Variants in ZNF783 observed in about 807,000 individuals in gnomAD.
The protein encoded by ZNF783 is protein ZNF783.
Under a neutral mutation model 31.3 loss-of-function variants are expected in ZNF783, and 25 were observed. The observed-to-expected ratio is 0.80, with a 90% confidence interval of 0.58 to 1.11. ZNF783 has a LOEUF of 1.11. Among genes scored for constraint, ZNF783 ranks in the 50% most tolerant of loss-of-function variants. The pLI, the probability that ZNF783 is intolerant of heterozygous loss-of-function variation, is 0.00. For synonymous variants in ZNF783, 369 were observed against 319.1 expected (o/e 1.16, Z -1.66); for missense variants, 797 against 760.0 (o/e 1.05, Z -0.57).
At chr7:149,278,646 C>T in intron 5 of ZNF783, 119 bp downstream of exon 5, 4 of 1,480,482 alleles carry the variant, frequency 2.7e-6, no homozygotes, top group South Asian at 1.3e-5. Flanking sequence ...GGCTGGGAGA[C>T]TGGTTGGGCT....
chr7:149,267,162 CG>C lies in ZNF783; in HGVS notation c.615del (p.Trp206GlyfsTer9). ...IERGEEPCLD[R>X]WGQEKGNEVE... The stretch of plus-strand genomic sequence containing the variant: ...GAGGGGAGAGGAGCCTTGTCTTGAC[CG>C]GTGGGGCCAGGAGAAGGGGAATGAA... On this transcript the variant is annotated frameshift_variant, in exon 4 of 6. Coordinates refer to ENST00000434415, the MANE Select transcript of ZNF783 (RefSeq NM_001195220.2). LOFTEE classifies it high-confidence loss of function. 1 of 1,599,314 alleles carries C rather than the reference CG, an allele frequency of 6.3e-7. No individual in the cohort carries two copies. The highest frequency in any genetic ancestry group is 8.5e-7 in the Non-Finnish European group (1 of 1,179,740).
Position 149,266,374 on chromosome 7 carries a change from T to G in ZNF783, c.64T>G (p.Ser22Ala), listed in dbSNP as rs964136308. 3 of 1,597,616 alleles carry G rather than the reference T, an allele frequency of 1.9e-6. No individual in the cohort carries two copies. The Admixed American group carries it at 5.0e-5, about 27-fold the overall frequency. ...CAAGCACACAGAGGACCAGAGTCCT[T>G]CGACACCCTTGCCCCAGCCAGCTGC... ...TDKHTEDQSP[S>A]TPLPQPAAEK... The change falls in exon 2 of 6, where the codon TCG becomes GCG. Residue 22 changes from serine (S) to alanine (A), a missense_variant. Ser to Ala is a moderately conservative substitution (Grantham distance 99). Transcript: ENST00000434415.
At chr7:149,278,891 C>G (rs921398755) in intron 5 of ZNF783, among the ~76,000 whole-genome samples, 1 of 152,118 alleles carries the variant, frequency 6.6e-6, no homozygotes. Flanking sequence ...CTGTGCCTAG[C>G]GCGGCGCCAG....
At chr7:149,276,433 G>A in intron 4 of ZNF783, 1 of 986,298 alleles carries the variant, frequency 1.0e-6, no homozygotes, top group Non-Finnish European at 1.2e-6. Context: ...CTTTAGGCTT[G>A]TCATGAAAGC....
In ZNF783 at chr7:149,281,738, C is replaced by T; in HGVS notation, c.1036C>T (p.Gln346Ter). ...GCCCCGAGTCCTCTCCCGCAGGCGG[C>T]AGCGGGCATTCCCCTGCCCCGACTG... The part of the protein sequence containing the change: ...ETPRVLSRRR[Q>*]RAFPCPDCGQ... The change falls in exon 6 of 6, where the codon CAG (glutamine) becomes TAG (stop). Residue 346 changes from glutamine (Q) to a stop codon, truncating the protein, a stop_gained. Coordinates refer to ENST00000434415, the MANE Select transcript of ZNF783 (RefSeq NM_001195220.2). LOFTEE classifies it low-confidence loss of function (END_TRUNC). 1 of 1,479,592 alleles carries T rather than the reference C, an allele frequency of 6.8e-7. No homozygotes were observed. 91.7% of individuals were successfully genotyped at this position (1,479,592 alleles called of 1,614,324 possible).
intron 4 of ZNF783, chr7:149,276,378 G>T: frequency 1.0e-6 from 1 of 988,592 alleles, no homozygotes; most frequent in South Asian, 4.7e-5. Flanking sequence ...AAACTTCAGA[G>T]GATGATCCAC....
rs1011469653 is a variant in ZNF783, at chr7:149,266,812, G to T, written c.421-7G>T. 2 of 1,613,910 alleles carry T rather than the reference G, an allele frequency of 1.2e-6. No individual in the cohort carries two copies. The highest frequency in any genetic ancestry group is 2.7e-5 in the African/African-American group (2 of 74,880). On this transcript the variant is annotated splice_region_variant and splice_polypyrimidine_tract_variant and intron_variant, in intron 2 of 5. Coordinates refer to ENST00000434415, the MANE Select transcript of ZNF783 (RefSeq NM_001195220.2). ...TGGGTGAGTGAGTGCGACACTTATG[G>T]TTCCAGGTGCCCGTGACCTTCGATG...
At chr7:149,280,218 T>A (rs893790010) in intron 5 of ZNF783, among the ~76,000 whole-genome samples, 2 of 151,024 alleles carry the variant, frequency 1.3e-5, no homozygotes, top group Non-Finnish European at 3.0e-5. Context: ...CCAGTAGGGG[T>A]GGCCGGGCAG....
At chr7:149,280,282 GGA>G (rs1156523565) in intron 5 of ZNF783, among the ~76,000 whole-genome samples, 1 of 152,240 alleles carries the variant, frequency 6.6e-6, no homozygotes, top group East Asian at 1.9e-4. Context: ...TAAGCCAGAA[GGA>G]GAGTCTTTAG....
At chr7:149,264,954 G>GCTGGAAGTGGGGGAGAAGC (rs1335943819) in intron 1 of ZNF783, among the ~76,000 whole-genome samples, 3 of 132,756 alleles carry the variant, frequency 2.3e-5, no homozygotes, top group African/African-American at 1.0e-4. Context: ...AGGGGAGAAG[G>GCTGGAAGTGGGGGAGAAGC]CTGGAAGTGG....
At position 149,281,850 on chromosome 7, in the gene ZNF783, C is replaced by T. The variant is rs1428174826; in HGVS notation, c.1148C>T (p.Ser383Leu). 5 of 1,494,764 alleles carry T rather than the reference C, an allele frequency of 3.3e-6. No individual in the cohort carries two copies. Among genetic ancestry groups the T allele is most frequent in the African/African-American group, 1.4e-5 (1 of 70,648 alleles). The allele number at this position is 1,494,764 out of a possible 1,614,324, so 92.6% of individuals were successfully genotyped here. The stretch of plus-strand genomic sequence containing the variant: ...GGGCGGCAGGAGGCCCCCGGCCGCT[C>T]GCCCACCAGCTGCGGGGACAGCCAG... ...EEGRQEAPGR[S>L]PTSCGDSQAM... is the part of the protein sequence containing the mutation. Residue 383 changes from serine (S) to leucine (L), a missense_variant, in exon 6 of 6, where the codon TCG (serine) becomes TTG (leucine). Physicochemically the swap from Ser to Leu is moderately radical, Grantham distance 145 (BLOSUM62 -2). Transcript: ENST00000434415.
chr7:149,262,338 C>G lies in ZNF783; in HGVS notation c.5C>G (p.Ala2Gly). The G allele has an allele frequency of 1.5e-6, 2 of 1,341,686 alleles. No individual in the cohort carries two copies. Among genetic ancestry groups the G allele is most frequent in the Non-Finnish European group, 1.9e-6 (2 of 1,041,728 alleles). 83.1% of individuals were successfully genotyped at this position (1,341,686 alleles called of 1,614,324 possible). M[A>G]EAAPARDPET... ...CAGCGAGGGACGCGGGCAGCCATGGCCGAAGCGGCGCCTGCCCGGGTAAGC... is the reference window on the plus strand; with the variant it reads ...CAGCGAGGGACGCGGGCAGCCATGGGCGAAGCGGCGCCTGCCCGGGTAAGC... Residue 2 changes from alanine to glycine, a missense_variant, in exon 1 of 6, where the codon GCC (alanine) becomes GGC (glycine). Coordinates refer to ENST00000434415, the MANE Select transcript of ZNF783 (RefSeq NM_001195220.2).
chr7:149,282,127 C>G lies in ZNF783; in HGVS notation c.1425C>G (p.Phe475Leu), dbSNP rs748475207. 2 of 1,599,232 alleles carry G rather than the reference C, an allele frequency of 1.3e-6. No homozygotes were observed. Among genetic ancestry groups the G allele is most frequent in the Non-Finnish European group, 1.7e-6 (2 of 1,179,278 alleles). The change falls in exon 6 of 6, where the codon TTC (phenylalanine) becomes TTG (leucine). Residue 475 changes from phenylalanine to leucine, a missense_variant. Phe to Leu is a conservative substitution (Grantham distance 22). Transcript: ENST00000434415. ...CCTGCCCCTACTGCGGCAAGGCCTT[C>G]CGCCGGCCCTCGGACCTCTTCCGGC... ...WPACPYCGKA[F>L]RRPSDLFRHQ...
chr7:149,276,289 TCAC>T, intron 4 of ZNF783: 1 of 955,354 alleles, frequency 1.0e-6, no homozygotes, highest in Non-Finnish European at 1.2e-6. Flanking sequence ...TCCTGCTCAG[TCAC>T]CACCTTGTGA....
At chr7:149,267,670 G>A (rs1055177679) in intron 4 of ZNF783, among the ~76,000 whole-genome samples, 47 of 152,180 alleles carry the variant, frequency 3.1e-4, no homozygotes, top group African/African-American at 1.0e-3. Context: ...GGTGGCAGGC[G>A]CCTGTAGTCC....
intron 1 of ZNF783, 143 bp from the exon 2 acceptor site, chr7:149,266,192 C>T: frequency 1.0e-6 from 1 of 963,778 alleles, no homozygotes; most frequent in Non-Finnish European, 1.5e-6. Flanking sequence ...CTAGCCTCTC[C>T]CTCTCCCCCC....
chr7:149,266,533 G>A lies in ZNF783; in HGVS notation c.223G>A (p.Glu75Lys), dbSNP rs946974077. 1.5e-5 allele frequency: 25 copies of A among 1,614,030 alleles called. No homozygotes were observed. The highest frequency in any genetic ancestry group is 1.9e-5 in the Non-Finnish European group (23 of 1,180,050). The change falls in exon 2 of 6, where the codon GAG (glutamate) becomes AAG (lysine). Residue 75 changes from glutamate to lysine, a missense_variant. By Grantham distance (56) the Glu-to-Lys change is moderately conservative (BLOSUM62 1). Coordinates refer to ENST00000434415, the MANE Select transcript of ZNF783 (RefSeq NM_001195220.2). ...LTLEGRTGTA[E>K]KKLADCEKTA... is the part of the protein sequence containing the mutation. Reference sequence around the variant, plus strand: ...TCTGGAGGGGCGCACGGGGACAGCCGAGAAGAAGCTGGCCGACTGCGAGAA... The same window carrying A: ...TCTGGAGGGGCGCACGGGGACAGCCAAGAAGAAGCTGGCCGACTGCGAGAA...
At chr7:149,263,302 G>GTATA (rs1554477451) in intron 1 of ZNF783, among the ~76,000 whole-genome samples, 61 of 62,784 alleles carry the variant, frequency 9.7e-4, no homozygotes, top group East Asian at 3.1e-3. Flanking sequence ...GTGTGTGTGT[G>GTATA]TGTATATATA....
rs149759160 is a variant in ZNF783, at chr7:149,276,592, C to T, written c.674-1807C>T. 23 of 985,382 alleles carry T rather than the reference C, an allele frequency of 2.3e-5. No individual in the cohort carries two copies. The East Asian group carries it at 2.2e-3, about 92-fold the overall frequency. 61.0% of individuals were successfully genotyped at this position (985,382 alleles called of 1,614,324 possible). A position where few individuals can be genotyped will look rare whatever the true frequency, so the allele number is the denominator to read the frequency against. ...TTGATAACCTTCTAGCTGGTTTTAC[C>T]TCTTCTGTTAGAAGAGAACCTCAGT... On this transcript the variant is annotated intron_variant, in intron 4 of 5. Transcript: ENST00000434415.
Sources: gnomAD v4.1 joint callset for allele counts (sites outside exome capture counted in the v4.1 genomes callset) on GRCh38, gnomAD v4.1.1 for gene constraint, MANE v1.5 for transcripts, NCBI Gene and HGNC (gene_info 2026-07-23, HGNC 2026-07-21) for gene names.